Variants in TSC1 observed in about 807,000 individuals in gnomAD.
The protein encoded by TSC1 is TSC complex subunit 1.
In TSC1, 20 loss-of-function variants were observed where a neutral mutation model predicts 124.3. The observed-to-expected ratio is 0.16, with a 90% CI of 0.11 to 0.23. The LOEUF (loss-of-function observed/expected upper bound fraction) is 0.23, where lower values mean the gene tolerates loss of function less well. TSC1 is among the 10% of genes least tolerant of loss of function. TSC1 has a pLI of 1.00. For missense variants in TSC1, 1,124 were observed against 1,448.5 expected, an observed-to-expected ratio of 0.78 and a Z score of 3.64; for synonymous variants, 493 against 539.1, an observed-to-expected ratio of 0.91 and a Z score of 1.19.
chr9:132,922,029 C>CA (rs1846597645), intron 6 of TSC1, 56 bp from the exon 7 acceptor site: 1 of 1,609,262 alleles, frequency 6.2e-7, no homozygotes, highest in Non-Finnish European at 8.5e-7. Context: ...TTGAGGAGTG[C>CA]AAAACAGCTA....
intron 2 of TSC1, among the ~76,000 whole-genome samples, chr9:132,934,035 C>G (rs1847334352): frequency 6.6e-6 from 1 of 152,126 alleles, no homozygotes; most frequent in Admixed American, 6.5e-5. Context: ...GTATCAAGAC[C>G]CTACTTATGA....
Position 132,905,961 on chromosome 9 carries a change from G to A in TSC1, c.1617C>T (p.Ser539=), listed in dbSNP as rs1554815969. ...ASVNPEPLHS[S]LDKLGPDTPK... ...GTGTGTCAGGCCCAAGCTTGTCCAG[G>A]GAGGAGTGTAAAGGCTCAGGGTTCA... The change falls in exon 15 of 23, where the codon TCC becomes TCT. Residue 539 remains serine (S), a synonymous_variant. Transcript: ENST00000298552. 1 of 1,614,074 alleles carries A rather than the reference G, an allele frequency of 6.2e-7. No individual in the cohort carries two copies. The highest frequency in any genetic ancestry group is 2.2e-5 in the East Asian group (1 of 44,870).
rs397514859 is a variant in TSC1, at chr9:132,897,227, G to C, written c.2932C>G (p.Leu978Val). The C allele has an allele frequency of 3.7e-6, 6 of 1,614,076 alleles. No individual in the cohort carries two copies. In the East Asian group the frequency reaches 1.3e-4, roughly 36 times the overall value. Residue 978 changes from leucine (L) to valine (V), a missense_variant, in exon 22 of 23, where the codon CTT becomes GTT. Physicochemically the swap from Leu to Val is conservative, Grantham distance 32. Transcript: ENST00000298552. ...RLEKDGLLKK[L>V]EEEKAEAAEA... is the part of the protein sequence containing the mutation. ...GCTGCTTCTGCTTTTTCTTCTTCAA[G>C]TTTTTTCAGGAGGCCATCTTTCTCC...
chr9:132,930,531 T>G (rs1156522716), intron 2 of TSC1, among the ~76,000 whole-genome samples: 2 of 132,330 alleles, frequency 1.5e-5, no homozygotes, highest in Non-Finnish European at 3.0e-5. Flanking sequence ...GAGGTTGCAG[T>G]GAGTCAAGGT....
chr9:132,923,227 G>GA lies in TSC1; in HGVS notation c.508+120dup, dbSNP rs1846660856. 7.1e-7 allele frequency: 1 copy of GA among 1,407,322 alleles called. No individual in the cohort carries two copies. Among genetic ancestry groups the GA allele is most frequent in the South Asian group, 1.4e-5 (1 of 69,902 alleles). 87.2% of individuals were successfully genotyped at this position (1,407,322 alleles called of 1,614,324 possible). On this transcript the variant is annotated intron_variant, in intron 6 of 22. Coordinates refer to ENST00000298552, the MANE Select transcript of TSC1 (RefSeq NM_000368.5). The surrounding 1 kb of genome is among the most constrained non-coding windows in gnomAD (Gnocchi z 4.2). ...CAAGATATTCCCTCATCTGTCTGGT[G>GA]AAAACCACTCATTTCAGCTATAAAA...
intron 8 of TSC1, among the ~76,000 whole-genome samples, chr9:132,915,634 A>G (rs1443915396): frequency 6.6e-6 from 1 of 152,226 alleles, no homozygotes; most frequent in Non-Finnish European, 1.5e-5. Flanking sequence ...ACTCCATCAG[A>G]GATTTGCATT....
intron 2 of TSC1, among the ~76,000 whole-genome samples, chr9:132,931,037 A>G (rs562951248): frequency 1.2e-4 from 19 of 152,192 alleles, no homozygotes; most frequent in Non-Finnish European, 1.9e-4. Context: ...TCTTTGGGCC[A>G]CCACTTTCAA....
chr9:132,921,635 T>A lies in TSC1; in HGVS notation c.663+184A>T, dbSNP rs537148202. ...TATATGATCCCATTTATACAAAATG[T>A]CCAGAATAGGCAAATCTATTAAGAC... On this transcript the variant is annotated intron_variant, in intron 7 of 22. Transcript: ENST00000298552. This position sits in a 1 kb window ranked among gnomAD's most constrained non-coding sequence, Gnocchi z 4.3. 6.6e-6 allele frequency among the ~76,000 whole-genome samples: 1 copy of A among 152,334 alleles called. No homozygotes were observed. The highest frequency in any genetic ancestry group is 1.9e-4 in the East Asian group (1 of 5,192).
chr9:132,906,739 T>A lies in TSC1; in HGVS notation c.1430A>T (p.Lys477Ile). 1 of 1,613,658 alleles carries A rather than the reference T, an allele frequency of 6.2e-7. No homozygotes were observed. Among genetic ancestry groups the A allele is most frequent in the Non-Finnish European group, 8.5e-7 (1 of 1,179,732 alleles). Reference sequence around the variant, plus strand: ...AATCCCACATACATTACCTTCTTCTTTATCTTTTTCAATACTATCTTCTTC... The same window carrying A: ...AATCCCACATACATTACCTTCTTCTATATCTTTTTCAATACTATCTTCTTC... ...ASEEDSIEKD[K>I]EEAAISRELS... Residue 477 changes from lysine to isoleucine, a missense_variant, in exon 14 of 23, where the codon AAA becomes ATA. Lys to Ile is a moderately radical substitution (Grantham distance 102). Transcript: ENST00000298552. This position sits in a 1 kb window ranked among gnomAD's most constrained non-coding sequence, Gnocchi z 4.1.
intron 1 of TSC1, among the ~76,000 whole-genome samples, chr9:132,937,748 C>T (rs530661871): frequency 1.1e-4 from 16 of 152,296 alleles, no homozygotes; most frequent in African/African-American, 3.8e-4. Flanking sequence ...TGCTCTGTCG[C>T]TCAGGCTGGA....
intron 12 of TSC1, among the ~76,000 whole-genome samples, chr9:132,908,817 G>A (rs1049732190): frequency 6.6e-6 from 1 of 151,162 alleles, no homozygotes; most frequent in Non-Finnish European, 1.5e-5. Flanking sequence ...TTTGATAAGT[G>A]TTAGTTTCTT....
Position 132,907,288 on chromosome 9 carries a change from G to A in TSC1, c.1333+13C>T, listed in dbSNP as rs118203516. ...AGAGGCAAGCAAGGCCTGTAGTAAC[G>A]CAGAAATTTTACCTGATCCTCTGTC... On this transcript the variant is annotated intron_variant, in intron 13 of 22. Coordinates refer to ENST00000298552, the MANE Select transcript of TSC1 (RefSeq NM_000368.5). 3.5e-4 allele frequency: 557 copies of A among 1,611,646 alleles called. 4 individuals are homozygous for A. Among genetic ancestry groups the A allele is most frequent in the South Asian group, 2.7e-3 (244 of 91,052 alleles).
rs754853512 is a variant in TSC1, at chr9:132,921,434, T to G, written c.666A>C (p.Pro222=). 1 of 1,614,140 alleles carries G rather than the reference T, an allele frequency of 6.2e-7. No homozygotes were observed. Among genetic ancestry groups the G allele is most frequent in the Non-Finnish European group, 8.5e-7 (1 of 1,180,006 alleles). ...NLETFEEVVK[P]MMEHVRIHPE... is the part of the protein sequence containing the mutation. The stretch of plus-strand genomic sequence containing the variant: ...GATGAATTCGCACATGCTCCATCAT[T>G]GGCTAGAAGAGTTGGGTTGACAAAT... The change falls in exon 8 of 23, where the codon CCA becomes CCC. Residue 222 remains proline, a splice_region_variant and synonymous_variant. Coordinates refer to ENST00000298552, the MANE Select transcript of TSC1 (RefSeq NM_000368.5). This position sits in a 1 kb window ranked among gnomAD's most constrained non-coding sequence, Gnocchi z 4.3.
intron 8 of TSC1, among the ~76,000 whole-genome samples, chr9:132,918,081 G>A (rs1037591113): frequency 1.3e-5 from 2 of 152,196 alleles, no homozygotes; most frequent in African/African-American, 4.8e-5. Context: ...AATATAGTTG[G>A]TTGAACATAT....
chr9:132,903,578 G>A lies in TSC1; in HGVS notation c.2208+73C>T, dbSNP rs559848358. ...GAACTCTGACCTCCTCGGCTGCTGT[G>A]CTTTATAAGCTATCATGCTGACCCA... On this transcript the variant is annotated intron_variant, in intron 17 of 22. Transcript: ENST00000298552. The surrounding 1 kb of genome is among the most constrained non-coding windows in gnomAD (Gnocchi z 5.9). 1 of 1,608,522 alleles carries A rather than the reference G, an allele frequency of 6.2e-7. No homozygotes were observed. Among genetic ancestry groups the A allele is most frequent in the South Asian group, 1.1e-5 (1 of 90,608 alleles).
chr9:132,944,202 C>G (rs767294378), intron 1 of TSC1, among the ~76,000 whole-genome samples: 1 of 152,130 alleles, frequency 6.6e-6, no homozygotes, highest in Non-Finnish European at 1.5e-5. Flanking sequence ...GTGAACCTGT[C>G]ACCCCACCAA....
chr9:132,914,405 T>C (rs1014948591), intron 8 of TSC1, among the ~76,000 whole-genome samples: 3 of 152,106 alleles, frequency 2.0e-5, no homozygotes, highest in African/African-American at 7.2e-5. Context: ...AAAGCATGCT[T>C]TTAGCAGATC....
Position 132,906,032 on chromosome 9 carries a change from G to C in TSC1, c.1546C>G (p.Gln516Glu), listed in dbSNP as rs1588310754. The C allele has an allele frequency of 6.2e-7, 1 of 1,614,146 alleles. No individual in the cohort carries two copies. Among genetic ancestry groups the C allele is most frequent in the Non-Finnish European group, 8.5e-7 (1 of 1,180,016 alleles). ...PFYRDSLPGS[Q>E]RKTHSAASSS... ...GAGGCTGCCGAGTGGGTCTTCCGCTGAGAACCTGGGAGACTGTCTCGGTAA... is the reference window on the plus strand; with the variant it reads ...GAGGCTGCCGAGTGGGTCTTCCGCTCAGAACCTGGGAGACTGTCTCGGTAA... Residue 516 changes from glutamine to glutamate, a missense_variant, in exon 15 of 23, where the codon CAG (glutamine) becomes GAG (glutamate). Physicochemically the swap from Gln to Glu is conservative, Grantham distance 29 (BLOSUM62 2). Around this residue, in one of 5 missense-constraint regions of TSC1, gnomAD observed 321 missense variants for 397.4 expected, o/e 0.81. Coordinates refer to ENST00000298552, the MANE Select transcript of TSC1 (RefSeq NM_000368.5). The surrounding 1 kb of genome is among the most constrained non-coding windows in gnomAD (Gnocchi z 4.1).
chr9:132,941,646 G>A (rs754669521), intron 1 of TSC1: 2 of 152,162 alleles, frequency 1.3e-5, no homozygotes, highest in Non-Finnish European at 2.9e-5. Flanking sequence ...TAACCTTTCA[G>A]AGATTTATAA....
Sources: gnomAD v4.1 joint callset for allele counts (sites outside exome capture counted in the v4.1 genomes callset) on GRCh38, gnomAD v4.1.1 for gene constraint, gnomAD v4.1.1 regional missense constraint, Gnocchi (gnomAD v3.1) non-coding constraint, MANE v1.5 for transcripts, NCBI Gene and HGNC (gene_info 2026-07-23, HGNC 2026-07-21) for gene names.